The following PTPRO variants were observed in gnomAD, a reference collection of about 807,000 sequenced individuals.
The protein encoded by PTPRO is protein tyrosine phosphatase receptor type O, also known as receptor-type tyrosine-protein phosphatase O.
PTPRO carries 62 observed loss-of-function variants against 145.2 expected under a neutral mutation model. The observed-to-expected ratio is 0.43, with a 90% CI of 0.35 to 0.53. The LOEUF (loss-of-function observed/expected upper bound fraction) is 0.53, where lower values mean the gene tolerates loss of function less well. Ranked by LOEUF, PTPRO falls within the 20% of genes least tolerant of loss-of-function variation. The pLI, the probability that PTPRO is intolerant of heterozygous loss-of-function variation, is 0.01. For synonymous variants in PTPRO, 565 were observed against 514.7 expected (o/e 1.10, Z -1.32); for missense variants, 1,345 against 1,482.7 (o/e 0.91, Z 1.53).
chr12:15,523,786 TA>T (rs1307251657), intron 10 of PTPRO, among the ~76,000 whole-genome samples: 1 of 151,548 alleles, frequency 6.6e-6, no homozygotes, highest in East Asian at 1.9e-4. Flanking sequence ...AAAGTAAAAA[TA>T]AAATAAAATA....
intron 2 of PTPRO, among the ~76,000 whole-genome samples, chr12:15,494,078 A>C (rs1942054572): frequency 6.6e-6 from 1 of 152,332 alleles, no homozygotes. Flanking sequence ...ATAAGTTTAA[A>C]AAACATGCAT....
intron 1 of PTPRO, among the ~76,000 whole-genome samples, chr12:15,358,193 T>C (rs964308817): frequency 3.1e-5 from 4 of 128,894 alleles, no homozygotes; most frequent in African/African-American, 1.2e-4. Context: ...TGAGAACACA[T>C]GGACACAGGA....
chr12:15,346,466 C>G (rs1867216148), intron 1 of PTPRO: 1 of 152,174 alleles, frequency 6.6e-6, no homozygotes, highest in Non-Finnish European at 1.5e-5. Context: ...TGCAGAGCTG[C>G]AAGAAGTTGT....
At chr12:15,466,307 A>G (rs117030) in intron 1 of PTPRO, among the ~76,000 whole-genome samples, 249 of 152,346 alleles carry the variant, frequency 1.6e-3, no homozygotes, top group African/African-American at 5.7e-3. Flanking sequence ...TAATAGCGCA[A>G]GAAGTAATCA....
chr12:15,448,893 A>G (rs1940976312), intron 1 of PTPRO, among the ~76,000 whole-genome samples: 2 of 152,174 alleles, frequency 1.3e-5, no homozygotes, highest in African/African-American at 4.8e-5. Flanking sequence ...ACATTATGCT[A>G]AGTGAAATAA....
intron 12 of PTPRO, among the ~76,000 whole-genome samples, chr12:15,544,018 G>A (rs1943228408): frequency 6.6e-6 from 1 of 152,190 alleles, no homozygotes; most frequent in African/African-American, 2.4e-5. Context: ...ATGTTTGGAT[G>A]TGATACCACA....
At chr12:15,449,783 G>A (rs1423692945) in intron 1 of PTPRO, among the ~76,000 whole-genome samples, 1 of 152,062 alleles carries the variant, frequency 6.6e-6, no homozygotes, top group African/African-American at 2.4e-5. Context: ...TGTTACAGTA[G>A]GGCAAATTGA....
intron 1 of PTPRO, among the ~76,000 whole-genome samples, chr12:15,478,413 T>C (rs2136429526): frequency 6.6e-6 from 1 of 152,338 alleles, no homozygotes; most frequent in South Asian, 2.1e-4. Context: ...TTTAAAAATA[T>C]TCTACAGATG....
intron 1 of PTPRO, among the ~76,000 whole-genome samples, chr12:15,478,913 C>T (rs1006996827): frequency 1.3e-5 from 2 of 152,110 alleles, no homozygotes; most frequent in African/African-American, 2.4e-5. Flanking sequence ...TCTCGTGATC[C>T]GCCCGCCTCG....
chr12:15,387,584 C>G (rs1939065375), intron 1 of PTPRO, among the ~76,000 whole-genome samples: 1 of 152,168 alleles, frequency 6.6e-6, no homozygotes, highest in Admixed American at 6.5e-5. Context: ...TCCTCTATGT[C>G]CCCTTAGTAC....
intron 1 of PTPRO, among the ~76,000 whole-genome samples, chr12:15,352,837 A>G (rs149938583): frequency 6.6e-6 from 1 of 152,090 alleles, no homozygotes; most frequent in Non-Finnish European, 1.5e-5. Flanking sequence ...CTTTAGTTAC[A>G]TCTATTTGGC....
At chr12:15,337,323 T>A (rs1054267051) in intron 1 of PTPRO, 2 of 152,182 alleles carry the variant, frequency 1.3e-5, no homozygotes, top group Non-Finnish European at 2.9e-5. Context: ...ATAGTGATAC[T>A]TGGGATCCTT....
intron 17 of PTPRO, among the ~76,000 whole-genome samples, chr12:15,562,698 A>C (rs1338213071): frequency 6.6e-6 from 1 of 151,654 alleles, no homozygotes; most frequent in African/African-American, 2.4e-5. Flanking sequence ...ATTGAAAGAA[A>C]TCATCTAAGT....
intron 14 of PTPRO, among the ~76,000 whole-genome samples, chr12:15,551,234 T>G (rs574183197): frequency 2.0e-4 from 30 of 152,336 alleles, no homozygotes; most frequent in African/African-American, 7.0e-4. Context: ...TTCCACATTT[T>G]TAGCTTTCAA....
At chr12:15,508,180 A>T (rs1426057898) in intron 6 of PTPRO, among the ~76,000 whole-genome samples, 1 of 152,204 alleles carries the variant, frequency 6.6e-6, no homozygotes, top group African/African-American at 2.4e-5. Context: ...TTGAATCTCA[A>T]AGTAATTATT....
intron 17 of PTPRO, among the ~76,000 whole-genome samples, chr12:15,564,689 A>G (rs1565432129): frequency 6.6e-6 from 1 of 152,250 alleles, no homozygotes; most frequent in Non-Finnish European, 1.5e-5. Context: ...CTGGTTATTT[A>G]CTATAGACTG....
intron 1 of PTPRO, among the ~76,000 whole-genome samples, chr12:15,425,734 C>CATATATAT (rs1940267943): frequency 9.0e-5 from 1 of 11,100 alleles, no homozygotes; most frequent in South Asian, 3.3e-3. Flanking sequence ...AAAATAGATT[C>CATATATAT]ATGCATTTTT....
intron 1 of PTPRO, among the ~76,000 whole-genome samples, chr12:15,432,486 T>A (rs1158542549): frequency 2.0e-5 from 3 of 152,358 alleles, no homozygotes; most frequent in African/African-American, 7.2e-5. Context: ...GTCTTCATGA[T>A]AGAACAATTT....
chr12:15,563,331 T>C (rs1008933347), intron 17 of PTPRO, among the ~76,000 whole-genome samples: 2 of 152,124 alleles, frequency 1.3e-5, no homozygotes, highest in African/African-American at 2.4e-5. Flanking sequence ...ATTGGCTCTT[T>C]CCAGAATGTG....
Sources: gnomAD v4.1 joint callset for allele counts (sites outside exome capture counted in the v4.1 genomes callset) on GRCh38, gnomAD v4.1.1 for gene constraint, MANE v1.5 for transcripts, NCBI Gene and HGNC (gene_info 2026-07-23, HGNC 2026-07-21) for gene names.